Variants in ABCC10 observed in about 807,000 individuals in gnomAD.
ABCC10 encodes the protein ATP binding cassette subfamily C member 10.
Under a neutral mutation model 143.2 loss-of-function variants are expected in ABCC10, and 110 were observed. The observed-to-expected ratio is 0.77, with a 90% CI of 0.66 to 0.90. The LOEUF (loss-of-function observed/expected upper bound fraction) is 0.90. ABCC10 is among the 40% of genes least tolerant of loss of function. The pLI is 0.00. For missense variants in ABCC10, 1,700 were observed against 1,900.5 expected, an observed-to-expected ratio of 0.89 and a Z score of 1.96; for synonymous variants, 805 against 846.7, an observed-to-expected ratio of 0.95 and a Z score of 0.85.
chr6:43,442,627 G>A (rs1302478729), intron 9 of ABCC10, among the ~76,000 whole-genome samples: 2 of 152,046 alleles, frequency 1.3e-5, no homozygotes, highest in Non-Finnish European at 2.9e-5. Context: ...CTACTCAGGA[G>A]GCTGAGGTGG....
chr6:43,450,369 T>G lies in ABCC10; in HGVS notation c.*278T>G. The G allele has an allele frequency of 3.9e-6, 4 of 1,024,604 alleles. No homozygotes were observed. Among genetic ancestry groups the G allele is most frequent in the Non-Finnish European group, 5.4e-6 (4 of 735,726 alleles). 63.5% of individuals were successfully genotyped at this position (1,024,604 alleles called of 1,614,324 possible). On this transcript the variant is annotated 3_prime_UTR_variant, in exon 22 of 22. Coordinates refer to ENST00000372530, the MANE Select transcript of ABCC10 (RefSeq NM_001198934.2). The surrounding 1 kb of genome is among the most constrained non-coding windows in gnomAD (Gnocchi z 4.5). ...GAGCCCACTTGCATTTTCATAGTTT[T>G]ATTTGATAAAATTCCATCTTACATT...
Position 43,432,807 on chromosome 6 carries a change from C to A in ABCC10, c.827C>A (p.Ala276Asp). ...HWQEGARLWR[A>D]LYGAFGRCYL... Reference sequence around the variant, plus strand: ...CAGGAGGGGGCACGGCTGTGGAGGGCCTTGTATGGGGCCTTTGGACGGTGC... The same window carrying A: ...CAGGAGGGGGCACGGCTGTGGAGGGACTTGTATGGGGCCTTTGGACGGTGC... Residue 276 changes from alanine (A) to aspartate (D), a missense_variant, in exon 3 of 22, where the codon GCC becomes GAC. Transcript: ENST00000372530. The A allele has an allele frequency of 6.2e-7, 1 of 1,614,156 alleles. No homozygotes were observed. The highest frequency in any genetic ancestry group is 8.5e-7 in the Non-Finnish European group (1 of 1,180,034).
At chr6:43,448,547 C>T (rs567083537) in intron 18 of ABCC10, among the ~76,000 whole-genome samples, 1 of 152,324 alleles carries the variant, frequency 6.6e-6, no homozygotes, top group South Asian at 2.1e-4. Context: ...TGGTCATTCC[C>T]TGCGTAGCCA....
rs1416871864 is a variant in ABCC10, at chr6:43,432,672, C to T, written c.692C>T (p.Pro231Leu). 1 of 1,613,900 alleles carries T rather than the reference C, an allele frequency of 6.2e-7. No individual in the cohort carries two copies. The highest frequency in any genetic ancestry group is 8.5e-7 in the Non-Finnish European group (1 of 1,180,028). The change falls in exon 3 of 22, where the codon CCC becomes CTC. Residue 231 changes from proline (P) to leucine (L), a missense_variant. Coordinates refer to ENST00000372530, the MANE Select transcript of ABCC10 (RefSeq NM_001198934.2). ...CGCTTTTCCTATGCCTGGCTGGCACCCTTGCTGGCCCGTGGGGCCTGTGGA... is the reference window on the plus strand; with the variant it reads ...CGCTTTTCCTATGCCTGGCTGGCACTCTTGCTGGCCCGTGGGGCCTGTGGA... ...LSRFSYAWLA[P>L]LLARGACGEL... is the part of the protein sequence containing the mutation.
At chr6:43,444,398 G>C (rs376146945) in intron 12 of ABCC10, 45 bp downstream of exon 12, 2 of 1,544,892 alleles carry the variant, frequency 1.3e-6, no homozygotes, top group Non-Finnish European at 8.7e-7. Flanking sequence ...CGGCTGTGCT[G>C]TCTAGGTGCC....
chr6:43,442,047 ATT>A, intron 9 of ABCC10, 87 bp downstream of exon 9: 2 of 1,183,290 alleles, frequency 1.7e-6, no homozygotes, highest in Non-Finnish European at 2.4e-6. Context: ...GGATAGGAAT[ATT>A]TTCCTTAGCA....
intron 21 of ABCC10, among the ~76,000 whole-genome samples, 171 bp downstream of exon 21, chr6:43,449,705 C>T (rs1380247278): frequency 6.6e-6 from 1 of 150,914 alleles, no homozygotes; most frequent in African/African-American, 2.5e-5. Context: ...TGCCTAGGGC[C>T]CTTTATAGCA....
At chr6:43,439,707 T>C (rs1363665422) in intron 8 of ABCC10, among the ~76,000 whole-genome samples, 3 of 151,090 alleles carry the variant, frequency 2.0e-5, no homozygotes, top group African/African-American at 4.9e-5. Flanking sequence ...CCTCAGCCTC[T>C]CGAGTAGCTG....
At chr6:43,449,892 C>T (rs776133355) in intron 21 of ABCC10, 37 bp from the exon 22 acceptor site, 22 of 1,610,764 alleles carry the variant, frequency 1.4e-5, no homozygotes, top group Non-Finnish European at 1.8e-5. Flanking sequence ...AGGGCATTGT[C>T]CCTCATCCCC....
chr6:43,445,972 G>T (rs780806813), intron 15 of ABCC10, 30 bp downstream of exon 15: 1 of 1,589,434 alleles, frequency 6.3e-7, no homozygotes, highest in Admixed American at 1.7e-5. Flanking sequence ...GGGGGATGAG[G>T]TGTTGGGGGG....
intron 2 of ABCC10, among the ~76,000 whole-genome samples, chr6:43,430,552 G>T (rs562585131): frequency 6.6e-6 from 1 of 151,182 alleles, no homozygotes; most frequent in Non-Finnish European, 1.5e-5. Flanking sequence ...CTGAGATCAC[G>T]CCATTGCGCT....
chr6:43,447,820 G>A lies in ABCC10; in HGVS notation c.3842G>A (p.Arg1281His), dbSNP rs773507456. 3.9e-5 allele frequency: 63 copies of A among 1,613,460 alleles called. No homozygotes were observed. In the South Asian group the frequency reaches 4.5e-4, roughly 12 times the overall value. The change falls in exon 18 of 22, where the codon CGC becomes CAC. Residue 1281 changes from arginine to histidine, a missense_variant. Coordinates refer to ENST00000372530, the MANE Select transcript of ABCC10 (RefSeq NM_001198934.2). ...GGAGAGAAGTTGGGCATCGTGGGCC[G>A]CACAGGCTCCGGCAAGTCTTCCCTG... The part of the protein sequence containing the change: ...QPGEKLGIVG[R>H]TGSGKSSLLL...
In ABCC10 at chr6:43,449,095, CT is replaced by C. The variant is rs1309917653; in HGVS notation, c.4106-9del. ...TGGCCTGGGCCCTGCAACGAAGATGCTTTCCTTGCAGGTGGTCTGGATGGTG... is the reference window on the plus strand; with the variant it reads ...TGGCCTGGGCCCTGCAACGAAGATGCTTCCTTGCAGGTGGTCTGGATGGTG... On this transcript the variant is annotated splice_polypyrimidine_tract_variant and intron_variant, in intron 19 of 21. Transcript: ENST00000372530. The C allele has an allele frequency of 1.9e-6, 3 of 1,613,922 alleles. No individual in the cohort carries two copies. Among genetic ancestry groups the C allele is most frequent in the Non-Finnish European group, 2.5e-6 (3 of 1,179,954 alleles).
At position 43,436,126 on chromosome 6, in the gene ABCC10, T is replaced by G. The variant is rs1244900343; in HGVS notation, c.1766-12T>G. The stretch of plus-strand genomic sequence containing the variant: ...AGATTAGGAGCCCAAATCAAGTGGC[T>G]TCTCTGTTCAGATCCCCCTGCAGAG... On this transcript the variant is annotated splice_polypyrimidine_tract_variant and intron_variant, in intron 5 of 21. Coordinates refer to ENST00000372530, the MANE Select transcript of ABCC10 (RefSeq NM_001198934.2). 5 of 1,614,142 alleles carry G rather than the reference T, an allele frequency of 3.1e-6. No individual in the cohort carries two copies. The highest frequency in any genetic ancestry group is 4.2e-6 in the Non-Finnish European group (5 of 1,179,982).
intron 7 of ABCC10, 144 bp from the exon 8 acceptor site, chr6:43,438,480 G>A (rs1781986883): frequency 2.1e-6 from 3 of 1,443,148 alleles, no homozygotes; most frequent in Admixed American, 5.6e-5. Context: ...CTTGACCTCA[G>A]GAGCTGCCAT....
chr6:43,444,063 AG>A (rs1782758907), intron 11 of ABCC10, 53 bp downstream of exon 11: 1 of 1,608,936 alleles, frequency 6.2e-7, no homozygotes, highest in African/African-American at 1.3e-5. Context: ...CACACTGTAG[AG>A]CTTTTTCTAC....
intron 3 of ABCC10, among the ~76,000 whole-genome samples, chr6:43,434,033 G>C (rs1290265054): frequency 6.6e-6 from 1 of 152,256 alleles, no homozygotes; most frequent in Non-Finnish European, 1.5e-5. Flanking sequence ...AGGGAAGGGA[G>C]GTTGATAGAT....
At chr6:43,440,886 A>C (rs1191230511) in intron 8 of ABCC10, among the ~76,000 whole-genome samples, 1 of 138,988 alleles carries the variant, frequency 7.2e-6, no homozygotes, top group Non-Finnish European at 1.6e-5. Flanking sequence ...ATACCAGACC[A>C]CCCAGGGCAA....
intron 16 of ABCC10, chr6:43,447,010 G>C: frequency 1.5e-6 from 1 of 688,468 alleles, no homozygotes; most frequent in Middle Eastern, 5.1e-4. Flanking sequence ...ACCACGCCCA[G>C]CTAATTTTTG....
Sources: allele counts gnomAD v4.1 joint callset (sites outside exome capture counted in the v4.1 genomes callset), GRCh38; gene constraint gnomAD v4.1.1; non-coding constraint Gnocchi (gnomAD v3.1); transcripts MANE v1.5; gene names NCBI Gene and HGNC (gene_info 2026-07-23, HGNC 2026-07-21).